AARD: variants seen among roughly 807,000 people sequenced by gnomAD.
The protein encoded by AARD is alanine and arginine rich domain containing protein.
In AARD, 9 loss-of-function variants were observed where a neutral mutation model predicts 9.3. That is an observed-to-expected ratio of 0.97 (90% CI 0.58 to 1.69). The LOEUF (loss-of-function observed/expected upper bound fraction) is 1.69. Ranked by LOEUF, AARD falls within the 40% of genes most tolerant of loss-of-function variation. The pLI is 0.00. For missense variants in AARD, 236 were observed against 210.3 expected, an observed-to-expected ratio of 1.12 and a Z score of -0.76; for synonymous variants, 91 against 93.8, an observed-to-expected ratio of 0.97 and a Z score of 0.17.
intron 1 of AARD, among the ~76,000 whole-genome samples, chr8:116,940,272 T>G (rs1469845140): frequency 1.3e-5 from 2 of 152,186 alleles, no homozygotes; most frequent in Non-Finnish European, 2.9e-5. Context: ...AGAGCTTATG[T>G]GAGATAATAT....
intron 1 of AARD, among the ~76,000 whole-genome samples, chr8:116,939,829 G>C (rs66849010): frequency 6.6e-6 from 1 of 152,020 alleles, no homozygotes; most frequent in Admixed American, 6.6e-5. Flanking sequence ...GGAGGCCTGT[G>C]CTATGGGCCA....
intron 1 of AARD, among the ~76,000 whole-genome samples, chr8:116,940,337 A>G (rs917425579): frequency 2.0e-5 from 3 of 152,164 alleles, no homozygotes; most frequent in Non-Finnish European, 4.4e-5. Flanking sequence ...TATTATAATG[A>G]TTACTATAGA....
chr8:116,942,186 C>G (rs537071910), intron 1 of AARD, among the ~76,000 whole-genome samples: 1 of 151,704 alleles, frequency 6.6e-6, no homozygotes, highest in Non-Finnish European at 1.5e-5. Flanking sequence ...TGGCTGTAGG[C>G]AGTTATCCTG....
At position 116,938,515 on chromosome 8, in the gene AARD, A is replaced by C; in HGVS notation, c.272A>C (p.Glu91Ala). The part of the protein sequence containing the change: ...EAAAAAAARE[E>A]QSWTGVEATL... ...GCGGCGGCGGCGGCGGCGCGGGAGGAGCAGAGCTGGACGGGCGTTGAGGCC... is the reference window on the plus strand; with the variant it reads ...GCGGCGGCGGCGGCGGCGCGGGAGGCGCAGAGCTGGACGGGCGTTGAGGCC... The change falls in exon 1 of 2, where the codon GAG becomes GCG. Residue 91 changes from glutamate to alanine, a missense_variant. By Grantham distance (107) the Glu-to-Ala change is moderately radical. Transcript: ENST00000378279. The C allele has an allele frequency of 6.6e-7, 1 of 1,516,148 alleles. No homozygotes were observed. Among genetic ancestry groups the C allele is most frequent in the East Asian group, 2.5e-5 (1 of 39,724 alleles). 93.9% of individuals were successfully genotyped at this position (1,516,148 alleles called of 1,614,324 possible).
chr8:116,940,583 G>T (rs555353926), intron 1 of AARD, among the ~76,000 whole-genome samples: 55 of 152,202 alleles, frequency 3.6e-4, no homozygotes, highest in Non-Finnish European at 7.5e-4. Flanking sequence ...TCAATTTTCG[G>T]CTATTAACTG....
At position 116,938,462 on chromosome 8, in the gene AARD, C is replaced by T; in HGVS notation, c.219C>T (p.Arg73=). Residue 73 remains arginine (R), a synonymous_variant, in exon 1 of 2, where the codon CGC becomes CGT. Transcript: ENST00000378279. ...LTRAFQWAVQ[R]AISRRVQEAA... is the part of the protein sequence containing the mutation. ...GCGCCTTCCAGTGGGCGGTGCAGCG[C>T]GCGATCTCGAGGCGCGTGCAGGAGG... The T allele has an allele frequency of 2.5e-6, 4 of 1,596,372 alleles. No individual in the cohort carries two copies. The highest frequency in any genetic ancestry group is 3.4e-6 in the Non-Finnish European group (4 of 1,172,736).
At chr8:116,940,879 G>A (rs1813738069) in intron 1 of AARD, among the ~76,000 whole-genome samples, 1 of 152,086 alleles carries the variant, frequency 6.6e-6, no homozygotes, top group Non-Finnish European at 1.5e-5. Flanking sequence ...TTCTCAGAGG[G>A]ATCCTTGATG....
chr8:116,940,144 ATTACCAT>A (rs1262378983), intron 1 of AARD, among the ~76,000 whole-genome samples: 3 of 152,310 alleles, frequency 2.0e-5, no homozygotes, highest in Non-Finnish European at 2.9e-5. Context: ...AAATACCAAC[ATTACCAT>A]TTACAGGTTC....
chr8:116,941,052 A>G (rs567197646), intron 1 of AARD, among the ~76,000 whole-genome samples: 1 of 152,282 alleles, frequency 6.6e-6, no homozygotes, highest in South Asian at 2.1e-4. Flanking sequence ...TAATTAATTA[A>G]TTCACTCACT....
At position 116,943,098 on chromosome 8, in the gene AARD, A is replaced by G. The variant is rs1289810804; in HGVS notation, c.*397A>G. ...TTCTGATGAACACATTATGCTTTGC[A>G]TAAGTTTTGAGGGGCAATTTATAGA... On this transcript the variant is annotated 3_prime_UTR_variant, in exon 2 of 2. Coordinates refer to ENST00000378279, the MANE Select transcript of AARD (RefSeq NM_001025357.3). 1 of 153,102 alleles carries G rather than the reference A, an allele frequency of 6.5e-6. No homozygotes were observed. The highest frequency in any genetic ancestry group is 1.5e-5 in the Non-Finnish European group (1 of 68,668). The allele number at this position is 153,102 out of a possible 1,614,324, so 9.5% of individuals were successfully genotyped here. A position where few individuals can be genotyped will look rare whatever the true frequency, so the allele number is the denominator to read the frequency against.
Position 116,938,375 on chromosome 8 carries a change from C to A in AARD, c.132C>A (p.Asp44Glu), listed in dbSNP as rs1813697400. Residue 44 changes from aspartate to glutamate, a missense_variant, in exon 1 of 2, where the codon GAC (aspartate) becomes GAA (glutamate). Coordinates refer to ENST00000378279, the MANE Select transcript of AARD (RefSeq NM_001025357.3). ...CDFFGDGRST[D>E]IQEEALAASP... Reference sequence around the variant, plus strand: ...TCTTCGGGGACGGCAGGAGCACGGACATCCAGGAGGAGGCCCTCGCCGCCA... The same window carrying A: ...TCTTCGGGGACGGCAGGAGCACGGAAATCCAGGAGGAGGCCCTCGCCGCCA... 2 of 1,612,628 alleles carry A rather than the reference C, an allele frequency of 1.2e-6. No homozygotes were observed. The highest frequency in any genetic ancestry group is 1.3e-5 in the African/African-American group (1 of 74,910).
At chr8:116,939,811 C>T (rs1563713485) in intron 1 of AARD, among the ~76,000 whole-genome samples, 3 of 152,190 alleles carry the variant, frequency 2.0e-5, no homozygotes, top group Non-Finnish European at 2.9e-5. Flanking sequence ...CCACCTCATT[C>T]GGCCACTGGA....
At chr8:116,939,600 C>T (rs1217398698) in intron 1 of AARD, among the ~76,000 whole-genome samples, 1 of 152,158 alleles carries the variant, frequency 6.6e-6, no homozygotes, top group Non-Finnish European at 1.5e-5. Context: ...CCATTGCACT[C>T]CAGCCTGGGA....
Position 116,938,513 on chromosome 8 carries a change from G to A in AARD, c.270G>A (p.Glu90=), listed in dbSNP as rs1435557866. The stretch of plus-strand genomic sequence containing the variant: ...CGGCGGCGGCGGCGGCGGCGCGGGA[G>A]GAGCAGAGCTGGACGGGCGTTGAGG... ...QEAAAAAAAR[E]EQSWTGVEAT... The change falls in exon 1 of 2, where the codon GAG becomes GAA. Residue 90 remains glutamate, a synonymous_variant. Transcript: ENST00000378279. 2.6e-6 allele frequency: 4 copies of A among 1,518,852 alleles called. No homozygotes were observed. The highest frequency in any genetic ancestry group is 2.1e-4 in the Middle Eastern group (1 of 4,862). 94.1% of individuals were successfully genotyped at this position (1,518,852 alleles called of 1,614,324 possible).
chr8:116,941,073 A>G (rs1813739958), intron 1 of AARD, among the ~76,000 whole-genome samples: 1 of 152,162 alleles, frequency 6.6e-6, no homozygotes, highest in Non-Finnish European at 1.5e-5. Flanking sequence ...CTTATAACAA[A>G]CACACAGAGA....
At chr8:116,942,266 C>T (rs1813753171) in intron 1 of AARD, among the ~76,000 whole-genome samples, 1 of 152,270 alleles carries the variant, frequency 6.6e-6, no homozygotes, top group Admixed American at 6.5e-5. Context: ...AAACAGCCTT[C>T]GGTGCATAGG....
In AARD at chr8:116,944,015, G is replaced by A. The variant is rs376698416; in HGVS notation, c.*1314G>A. ...TGCAGATCTAAGTGATATTTATAAT[G>A]GTTATTGTCTGCAAAATACAAATTA... On this transcript the variant is annotated 3_prime_UTR_variant, in exon 2 of 2. Coordinates refer to ENST00000378279, the MANE Select transcript of AARD (RefSeq NM_001025357.3). 16 of 152,250 alleles carry A rather than the reference G, an allele frequency of 1.1e-4. No homozygotes were observed. Among genetic ancestry groups the A allele is most frequent in the African/African-American group, 3.6e-4 (15 of 41,540 alleles). The allele number at this position is 152,250 out of a possible 1,614,324, so 9.4% of individuals were successfully genotyped here.
Position 116,938,230 on chromosome 8 carries a change from CAG to C in AARD, c.-13_-12del. 1 of 1,579,552 alleles carries C rather than the reference CAG, an allele frequency of 6.3e-7. No individual in the cohort carries two copies. The highest frequency in any genetic ancestry group is 2.3e-5 in the East Asian group (1 of 43,268). ...TCAGCAGCAGCGGTAGAGCAGTGAC[CAG>C]GCGTCTCCGCGATGGGCCCCGGGGA... On this transcript the variant is annotated 5_prime_UTR_variant, in exon 1 of 2. Coordinates refer to ENST00000378279, the MANE Select transcript of AARD (RefSeq NM_001025357.3).
chr8:116,941,472 T>G (rs1254348932), intron 1 of AARD, among the ~76,000 whole-genome samples: 5 of 152,212 alleles, frequency 3.3e-5, no homozygotes, highest in Non-Finnish European at 1.5e-5. Context: ...ATAGAGCATC[T>G]GGGCCACCCT....
Sources: allele counts gnomAD v4.1 joint callset (sites outside exome capture counted in the v4.1 genomes callset), GRCh38; gene constraint gnomAD v4.1.1; transcripts MANE v1.5; gene names NCBI Gene and HGNC (gene_info 2026-07-23, HGNC 2026-07-21).